Variants in NRBP1 observed in about 807,000 individuals in gnomAD.
The protein encoded by NRBP1 is nuclear receptor-binding protein.
In NRBP1, 10 loss-of-function variants were observed where a neutral mutation model predicts 76.0. That is an observed-to-expected ratio of 0.13 (90% CI 0.08 to 0.22). The LOEUF (loss-of-function observed/expected upper bound fraction) is 0.22. NRBP1 is among the 10% of genes least tolerant of loss of function. The pLI, the probability that NRBP1 is intolerant of heterozygous loss-of-function variation, is 1.00. For synonymous variants in NRBP1, 235 were observed against 240.2 expected, an observed-to-expected ratio of 0.98 and a Z score of 0.20; for missense variants, 344 against 646.0, an observed-to-expected ratio of 0.53 and a Z score of 5.07.
chr2:27,440,416 G>T lies in NRBP1; in HGVS notation c.1050G>T (p.Glu350Asp). The change falls in exon 12 of 18, where the codon GAG becomes GAT. Residue 350 changes from glutamate to aspartate, a missense_variant. Glu to Asp is a conservative substitution (Grantham distance 45, BLOSUM62 2). Transcript: ENST00000379852. ...CIVGHQHMIP[E>D]NALEEITKNM... is the part of the protein sequence containing the mutation. The stretch of plus-strand genomic sequence containing the variant: ...CATGCCCTCCAGACATGATCCCAGA[G>T]AACGCTCTAGAGGAGATCACCAAAA... The T allele has an allele frequency of 6.2e-7, 1 of 1,611,928 alleles. No individual in the cohort carries two copies. Among genetic ancestry groups the T allele is most frequent in the Non-Finnish European group, 8.5e-7 (1 of 1,178,092 alleles).
intron 1 of NRBP1, among the ~76,000 whole-genome samples, chr2:27,429,011 C>G (rs1402051210): frequency 6.6e-6 from 1 of 150,722 alleles, no homozygotes; most frequent in East Asian, 2.0e-4. Flanking sequence ...GCTTGGAACT[C>G]CGGCTGCGAG....
intron 1 of NRBP1, chr2:27,431,771 C>G (rs1482336876): frequency 2.0e-5 from 3 of 152,278 alleles, no homozygotes; most frequent in Non-Finnish European, 4.4e-5. Flanking sequence ...GAGGGTGCTA[C>G]AGGTCTAGCC....
At chr2:27,428,408 G>A (rs963046287), upstream of NRBP1, 6 of 372,636 alleles carry the variant, frequency 1.6e-5, no homozygotes, top group African/African-American at 1.0e-4. Context: ...CCGGGCGGTG[G>A]GGTGGACAGA....
upstream of NRBP1, chr2:27,428,017 C>A (rs1572681600): frequency 6.6e-6 from 1 of 152,142 alleles, no homozygotes; most frequent in Non-Finnish European, 1.5e-5. Flanking sequence ...TAGCTTAATA[C>A]CTCTGATTCA....
rs549563856 is a variant in NRBP1, at chr2:27,433,354, G to C, written c.81G>C (p.Leu27=). 2.5e-4 allele frequency: 402 copies of C among 1,614,242 alleles called. 3 individuals are homozygous for C. The South Asian group carries it at 4.3e-3, about 17-fold the overall frequency. ...KVESSSSAPG[L]TSVSPPVTST... is the part of the protein sequence containing the mutation. ...AATCCTCATCTTCAGCTCCTGGCCT[G>C]ACATCAGTGTCACCTCCTGTGACCT... The change falls in exon 2 of 18, where the codon CTG becomes CTC. Residue 27 remains leucine, a synonymous_variant. Coordinates refer to ENST00000379852, the MANE Select transcript of NRBP1 (RefSeq NM_013392.4).
Position 27,433,471 on chromosome 2 carries a change from G to A in NRBP1, c.198G>A (p.Lys66=), listed in dbSNP as rs371959718. The change falls in exon 2 of 18, where the codon AAG becomes AAA. Residue 66 remains lysine (K), a synonymous_variant. Coordinates refer to ENST00000379852, the MANE Select transcript of NRBP1 (RefSeq NM_013392.4). The stretch of plus-strand genomic sequence containing the variant: ...AGTCGCCCTGTGGGCGCTGGCAGAA[G>A]AGGCGAGAAGAGGTAAGGTTATGGT... ...LEESPCGRWQ[K]RREEVNQRNV... The A allele has an allele frequency of 3.3e-4, 529 of 1,614,034 alleles. No homozygotes were observed. Among genetic ancestry groups the A allele is most frequent in the Non-Finnish European group, 4.3e-4 (505 of 1,180,016 alleles).
chr2:27,441,325 T>G lies in NRBP1; in HGVS notation c.1442T>G (p.Met481Arg). Residue 481 changes from methionine (M) to arginine (R), a missense_variant, in exon 16 of 18, where the codon ATG (methionine) becomes AGG (arginine). By Grantham distance (91) the Met-to-Arg change is moderately conservative. Around this residue, in one of 3 missense-constraint regions of NRBP1, gnomAD observed 218 missense variants for 309.8 expected, o/e 0.70. Coordinates refer to ENST00000379852, the MANE Select transcript of NRBP1 (RefSeq NM_013392.4). ...KLNRHLSCDL[M>R]PNENIPELAA... is the part of the protein sequence containing the mutation. Reference sequence around the variant, plus strand: ...AACCGGCACCTGAGCTGTGACCTGATGCCAAGTGAGTCTCTCCTTTCCCTC... The same window carrying G: ...AACCGGCACCTGAGCTGTGACCTGAGGCCAAGTGAGTCTCTCCTTTCCCTC... The G allele has an allele frequency of 6.2e-7, 1 of 1,614,028 alleles. No homozygotes were observed. The highest frequency in any genetic ancestry group is 8.5e-7 in the Non-Finnish European group (1 of 1,179,920).
chr2:27,434,987 A>T, intron 6 of NRBP1, 146 bp from the exon 7 acceptor site: 1 of 660,124 alleles, frequency 1.5e-6, no homozygotes, highest in African/African-American at 1.8e-5. Context: ...CAGCTATTTA[A>T]ATCATCAGGC....
chr2:27,437,078 C>G lies in NRBP1; in HGVS notation c.777C>G (p.Ile259Met). 1 of 1,613,584 alleles carries G rather than the reference C, an allele frequency of 6.2e-7. No homozygotes were observed. Among genetic ancestry groups the G allele is most frequent in the Non-Finnish European group, 8.5e-7 (1 of 1,179,880 alleles). The change falls in exon 9 of 18, where the codon ATC becomes ATG. Residue 259 changes from isoleucine (I) to methionine (M), a missense_variant. Coordinates refer to ENST00000379852, the MANE Select transcript of NRBP1 (RefSeq NM_013392.4). ...EVTNVTTAVDIYSFGMCALEM... is the reference protein window; with the variant it reads ...EVTNVTTAVDMYSFGMCALEM... The stretch of plus-strand genomic sequence containing the variant: ...CTAATGTGACAACAGCAGTGGACAT[C>G]TACTCCTTTGGCATGTGTGCACTGG...
intron 1 of NRBP1, among the ~76,000 whole-genome samples, chr2:27,430,749 C>T (rs974483498): frequency 6.6e-6 from 1 of 152,116 alleles, no homozygotes. Flanking sequence ...CGTGGGCCAG[C>T]TTGCCTGGCC....
At chr2:27,439,950 A>G in intron 11 of NRBP1, 52 bp downstream of exon 11, 2 of 1,497,898 alleles carry the variant, frequency 1.3e-6, no homozygotes, top group South Asian at 2.4e-5. Context: ...GAGCCCTGTA[A>G]CTATCACTGG....
At chr2:27,433,943 A>G in intron 3 of NRBP1, 46 bp from the exon 4 acceptor site, 1 of 1,550,622 alleles carries the variant, frequency 6.4e-7, no homozygotes, top group Non-Finnish European at 8.7e-7. Context: ...CAGGATTATT[A>G]CAGTGATTTG....
intron 8 of NRBP1, 68 bp from the exon 9 acceptor site, chr2:27,436,977 TCC>T: frequency 6.8e-7 from 1 of 1,480,410 alleles, no homozygotes; most frequent in African/African-American, 1.4e-5. Context: ...TTTTTTTTTT[TCC>T]TAAGGCATTC....
Position 27,441,888 on chromosome 2 carries a change from C to A in NRBP1, c.*76C>A, listed in dbSNP as rs530162657. On this transcript the variant is annotated 3_prime_UTR_variant, in exon 18 of 18. Coordinates refer to ENST00000379852, the MANE Select transcript of NRBP1 (RefSeq NM_013392.4). ...CTGCAGCCCTCCTGTCCCTTCCCCC[C>A]AGTCAGTATTACCCTGTGAAGCCCC... 88 of 862,136 alleles carry A rather than the reference C, an allele frequency of 1.0e-4. No homozygotes were observed. Among genetic ancestry groups the A allele is most frequent in the Admixed American group, 7.6e-4 (37 of 48,876 alleles). 53.4% of individuals were successfully genotyped at this position (862,136 alleles called of 1,614,324 possible). A position where few individuals can be genotyped will look rare whatever the true frequency, so the allele number is the denominator to read the frequency against.
intron 1 of NRBP1, among the ~76,000 whole-genome samples, chr2:27,430,469 C>CTTTTTTTTTTTTTTTTT (rs977927783): frequency 7.9e-5 from 11 of 138,668 alleles, no homozygotes; most frequent in Non-Finnish European, 1.1e-4. Context: ...TTCTTTTTTT[C>CTTTTTTTTTTTTTTTTT]TTTTTTTTTT....
In NRBP1 at chr2:27,430,686, T is replaced by G. The variant is rs145788776; in HGVS notation, c.-21+1955T>G. On this transcript the variant is annotated intron_variant, in intron 1 of 17. Coordinates refer to ENST00000379852, the MANE Select transcript of NRBP1 (RefSeq NM_013392.4). ...TGTTGCCCAGGCTGGTCTCGAACTC[T>G]TGAGCTCAAGCAATCTGCCTGCCAC... is the stretch of plus-strand genomic sequence containing the variant. Among the ~76,000 whole-genome samples, 931 of 152,134 alleles carry G rather than the reference T, an allele frequency of 6.1e-3. 5 individuals carry two copies. Among genetic ancestry groups the G allele is most frequent in the East Asian group, 0.021 (107 of 5,160 alleles).
At chr2:27,433,914 G>A in intron 3 of NRBP1, 75 bp from the exon 4 acceptor site, 2 of 1,595,886 alleles carry the variant, frequency 1.3e-6, no homozygotes, top group South Asian at 2.2e-5. Context: ...TTTCTGGGGA[G>A]GGATAGGGAA....
In NRBP1 at chr2:27,439,773, T is replaced by C; in HGVS notation, c.911T>C (p.Ile304Thr). The change falls in exon 11 of 18, where the codon ATT (isoleucine) becomes ACT (threonine). Residue 304 changes from isoleucine (I) to threonine (T), a missense_variant. Ile to Thr is a moderately conservative substitution (Grantham distance 89). This residue lies in a region of NRBP1 where 218 missense variants were observed against 309.8 expected (regional missense o/e 0.70). Transcript: ENST00000379852. The stretch of plus-strand genomic sequence containing the variant: ...CCTTGTTTCCTTTTCTAGGAGTTCA[T>C]TCAAAAGTGCCTGCAGTCTGAGCCT... ...LLEDPLQREFIQKCLQSEPAR... is the reference protein window; with the variant it reads ...LLEDPLQREFTQKCLQSEPAR... 6.2e-7 allele frequency: 1 copy of C among 1,614,062 alleles called. No individual in the cohort carries two copies. Among genetic ancestry groups the C allele is most frequent in the Non-Finnish European group, 8.5e-7 (1 of 1,180,000 alleles).
intron 14 of NRBP1, 49 bp downstream of exon 14, chr2:27,440,989 A>G (rs777984074): frequency 6.2e-7 from 1 of 1,611,750 alleles, no homozygotes; most frequent in Admixed American, 1.7e-5. Context: ...GGTGGAAGGG[A>G]GAGAGGACAT....
Sources: gnomAD v4.1 joint callset for allele counts (sites outside exome capture counted in the v4.1 genomes callset) on GRCh38, gnomAD v4.1.1 for gene constraint, gnomAD v4.1.1 regional missense constraint, MANE v1.5 for transcripts, NCBI Gene and HGNC (gene_info 2026-07-23, HGNC 2026-07-21) for gene names.